The following GNB1L variants were observed in gnomAD, a reference collection of about 807,000 sequenced individuals.
GNB1L encodes the protein guanine nucleotide-binding protein subunit beta-like protein 1.
GNB1L carries 20 observed loss-of-function variants against 29.1 expected under a neutral mutation model. The observed-to-expected ratio is 0.69, with a 90% confidence interval of 0.48 to 1.00. The LOEUF (loss-of-function observed/expected upper bound fraction) is 1.00. GNB1L is among the 50% of genes least tolerant of loss of function. GNB1L has a pLI of 0.00. For synonymous variants in GNB1L, 193 were observed against 206.5 expected (o/e 0.93, Z 0.56); for missense variants, 421 against 464.9 (o/e 0.91, Z 0.87).
At chr22:19,828,339 C>A (rs1401294473) in intron 2 of GNB1L, among the ~76,000 whole-genome samples, 1 of 152,126 alleles carries the variant, frequency 6.6e-6, no homozygotes, top group Non-Finnish European at 1.5e-5. Flanking sequence ...GTTTTTAATT[C>A]TTCATTGCAG....
intron 2 of GNB1L, chr22:19,851,896 GCCCA>G: frequency 6.2e-7 from 1 of 1,614,018 alleles, no homozygotes; most frequent in Non-Finnish European, 8.5e-7. Context: ...ACATGTAATC[GCCCA>G]GCTGGGCCAA....
At chr22:19,800,818 T>C (rs1419362911) in intron 7 of GNB1L, among the ~76,000 whole-genome samples, 1 of 152,198 alleles carries the variant, frequency 6.6e-6, no homozygotes, top group Non-Finnish European at 1.5e-5. Flanking sequence ...CCCCTCTGTG[T>C]ATCCTAGTCT....
At chr22:19,805,597 A>T (rs1937424316) in intron 6 of GNB1L, among the ~76,000 whole-genome samples, 1 of 152,040 alleles carries the variant, frequency 6.6e-6, no homozygotes, top group Non-Finnish European at 1.5e-5. Flanking sequence ...CCTGGCTGAG[A>T]TGGTGAAACC....
chr22:19,802,213 C>T lies in GNB1L; in HGVS notation c.520G>A (p.Asp174Asn), dbSNP rs1433643700. The change falls in exon 7 of 8, where the codon GAC (aspartate) becomes AAC (asparagine). Residue 174 changes from aspartate to asparagine, a missense_variant. Asp to Asn is a conservative substitution (Grantham distance 23). Coordinates refer to ENST00000329517, the MANE Select transcript of GNB1L (RefSeq NM_053004.3). ...AGAAGGAGTGGGCGGGAGCTGCAGTCGGCCTGCGGGGAACAGCAGAGCAGT... is the reference window on the plus strand; with the variant it reads ...AGAAGGAGTGGGCGGGAGCTGCAGTTGGCCTGCGGGGAACAGCAGAGCAGT... ...MPMCLRLWQA[D>N]CSSRPLLLAG... is the part of the protein sequence containing the mutation. The T allele has an allele frequency of 9.9e-6, 16 of 1,612,204 alleles. No homozygotes were observed. Among genetic ancestry groups the T allele is most frequent in the East Asian group, 2.2e-5 (1 of 44,874 alleles).
chr22:19,825,992 C>A (rs1054192670), intron 2 of GNB1L, among the ~76,000 whole-genome samples: 1 of 152,128 alleles, frequency 6.6e-6, no homozygotes, highest in Non-Finnish European at 1.5e-5. Context: ...AAATATTAAA[C>A]GCATCACTAA....
At chr22:19,789,755 G>A (rs1239850214) in intron 7 of GNB1L, among the ~76,000 whole-genome samples, 1 of 151,250 alleles carries the variant, frequency 6.6e-6, no homozygotes, top group African/African-American at 2.4e-5. Context: ...AGGATCACCT[G>A]AGCCCAGTGG....
chr22:19,840,537 G>A (rs1280545412), intron 2 of GNB1L, among the ~76,000 whole-genome samples: 1 of 152,140 alleles, frequency 6.6e-6, no homozygotes, highest in Non-Finnish European at 1.5e-5. Flanking sequence ...TGGGCCAGGT[G>A]CATGGCTCAC....
intron 4 of GNB1L, among the ~76,000 whole-genome samples, chr22:19,814,973 C>T (rs1937519204): frequency 6.6e-6 from 1 of 151,550 alleles, no homozygotes; most frequent in Non-Finnish European, 1.5e-5. Context: ...GAGATTGAGG[C>T]TGCTGTGAGC....
In GNB1L at chr22:19,853,302, G is replaced by T. The variant is rs537287551; in HGVS notation, c.-21+1141C>A. Among the ~76,000 whole-genome samples the T allele has an allele frequency of 2.0e-5, 3 of 152,208 alleles. No individual in the cohort carries two copies. The South Asian group carries it at 6.2e-4, about 32-fold the overall frequency. ...TCCAGTCACTTGTGCCCAGGGTCTG[G>T]GGAGTCCCAGTCTGATGGCTGGACC... On this transcript the variant is annotated intron_variant, in intron 2 of 7. Transcript: ENST00000329517.
intron 2 of GNB1L, chr22:19,847,605 T>C (rs1191708559): frequency 3.1e-6 from 3 of 980,452 alleles, no homozygotes; most frequent in South Asian, 4.7e-5. Flanking sequence ...TAAACCCCCA[T>C]GTAGTGGTAC....
chr22:19,812,194 C>A, intron 5 of GNB1L, 91 bp downstream of exon 5: 10 of 1,366,962 alleles, frequency 7.3e-6, no homozygotes, highest in Non-Finnish European at 1.0e-5. Flanking sequence ...CCATGGAGTC[C>A]TGTGGGTAGG....
At chr22:19,832,949 A>G (rs1404032110) in intron 2 of GNB1L, among the ~76,000 whole-genome samples, 7 of 152,228 alleles carry the variant, frequency 4.6e-5, no homozygotes, top group Admixed American at 4.6e-4. Flanking sequence ...GAACCAAAGC[A>G]GCATGTCAAA....
chr22:19,805,427 G>A (rs1440174077), intron 6 of GNB1L, among the ~76,000 whole-genome samples: 3 of 152,232 alleles, frequency 2.0e-5, no homozygotes, highest in Admixed American at 6.5e-5. Context: ...AAGAGGCAGC[G>A]AGCCAGAGTC....
intron 4 of GNB1L, among the ~76,000 whole-genome samples, chr22:19,819,079 G>T (rs956084440): frequency 1.3e-5 from 2 of 152,178 alleles, no homozygotes; most frequent in Non-Finnish European, 2.9e-5. Context: ...CCAGCCCTGG[G>T]CTAACCCTCG....
rs927685234 is a variant in GNB1L at position 19,816,596 on chromosome 22, G to A, written c.254+4002C>T. Among the ~76,000 whole-genome samples the A allele has an allele frequency of 6.6e-6, 1 of 151,982 alleles. No homozygotes were observed. Among genetic ancestry groups the A allele is most frequent in the Non-Finnish European group, 1.5e-5 (1 of 67,990 alleles). On this transcript the variant is annotated intron_variant, in intron 4 of 7. Transcript: ENST00000329517. This position sits in a 1 kb window ranked among gnomAD's most constrained non-coding sequence, Gnocchi z 4.4. ...TAGGGAACACACACATGCCTCACATGCATGCACACAACACACAATCACACA... is the reference window on the plus strand; with the variant it reads ...TAGGGAACACACACATGCCTCACATACATGCACACAACACACAATCACACA...
intron 2 of GNB1L, among the ~76,000 whole-genome samples, chr22:19,837,706 T>G (rs894561302): frequency 6.6e-6 from 1 of 152,240 alleles, no homozygotes; most frequent in African/African-American, 2.4e-5. Flanking sequence ...AGTCACATAC[T>G]GGAGACAACC....
intron 5 of GNB1L, among the ~76,000 whole-genome samples, chr22:19,810,222 G>A (rs13057609): frequency 0.065 from 9,970 of 152,236 alleles, 428 homozygotes; most frequent in Non-Finnish European, 0.098. Flanking sequence ...GAGGGCTGCG[G>A]AGGAGGCAGG....
rs1937993155 is a variant in GNB1L at position 19,847,703 on chromosome 22, T to C, written c.-21+6740A>G. The stretch of plus-strand genomic sequence containing the variant: ...TGCCTAGAATTGTTACGTGGTCAAA[T>C]TATATTATTGTGTATTCCCACCAAC... On this transcript the variant is annotated intron_variant, in intron 2 of 7. Coordinates refer to ENST00000329517, the MANE Select transcript of GNB1L (RefSeq NM_053004.3). The C allele has an allele frequency of 1.2e-5, 12 of 984,506 alleles. No individual in the cohort carries two copies. In the South Asian group the frequency reaches 5.6e-4, roughly 46 times the overall value. The allele number at this position is 984,506 out of a possible 1,614,324, so 61.0% of individuals were successfully genotyped here.
chr22:19,788,814 G>A lies in GNB1L; in HGVS notation c.879C>T (p.Phe293=), dbSNP rs1937218141. The A allele has an allele frequency of 6.2e-7, 1 of 1,612,590 alleles. No homozygotes were observed. ...RTMQPLAVLA[F]HSAAVQCVAF... is the part of the protein sequence containing the mutation. ...CCACGCACTGGACAGCGGCGCTGTG[G>A]AAGGCCAGCACGGCCAGTGGCTGCA... is the stretch of plus-strand genomic sequence containing the variant. The change falls in exon 8 of 8, where the codon TTC becomes TTT. Residue 293 remains phenylalanine (F), a synonymous_variant. Transcript: ENST00000329517.
Sources: allele counts gnomAD v4.1 joint callset (sites outside exome capture counted in the v4.1 genomes callset), GRCh38; gene constraint gnomAD v4.1.1; non-coding constraint Gnocchi (gnomAD v3.1); transcripts MANE v1.5; gene names NCBI Gene and HGNC (gene_info 2026-07-23, HGNC 2026-07-21).